SLC44A5: variants seen among roughly 807,000 people sequenced by gnomAD.
SLC44A5 encodes choline transporter-like protein 5.
A neutral mutation model predicts 101.8 loss-of-function variants in SLC44A5; 57 were observed. The observed-to-expected ratio is 0.56, with a 90% CI of 0.45 to 0.70. The LOEUF is 0.70. Ranked by LOEUF, SLC44A5 falls within the 30% of genes least tolerant of loss-of-function variation. The probability of loss-of-function intolerance (pLI) is 0.00; values close to 1 mark genes in which losing one functional copy is unlikely to be tolerated. For missense variants in SLC44A5, 737 were observed against 853.1 expected, an observed-to-expected ratio of 0.86 and a Z score of 1.70; for synonymous variants, 281 against 290.9, an observed-to-expected ratio of 0.97 and a Z score of 0.35.
At chr1:75,385,804 C>A (rs576649568) in intron 3 of SLC44A5, among the ~76,000 whole-genome samples, 1 of 152,022 alleles carries the variant, frequency 6.6e-6, no homozygotes, top group South Asian at 2.1e-4. Context: ...ATGCAAAAAT[C>A]CTCAATAAAA....
At chr1:75,416,994 T>C (rs1349093993) in intron 2 of SLC44A5, among the ~76,000 whole-genome samples, 2 of 152,156 alleles carry the variant, frequency 1.3e-5, no homozygotes, top group African/African-American at 2.4e-5. Context: ...TGTGGAACTT[T>C]TGAGTTGAAA....
chr1:75,538,813 C>G (rs1421495759), intron 2 of SLC44A5, among the ~76,000 whole-genome samples: 1 of 152,194 alleles, frequency 6.6e-6, no homozygotes, highest in Non-Finnish European at 1.5e-5. Context: ...TTACCCAAGT[C>G]TCATCTTGGG....
chr1:75,253,581 T>C (rs908355994), intron 6 of SLC44A5, among the ~76,000 whole-genome samples: 9 of 152,196 alleles, frequency 5.9e-5, no homozygotes, highest in Admixed American at 6.5e-5. Flanking sequence ...CCCAGTCAAC[T>C]ACATCATCCA....
chr1:75,637,246 A>C, the SLC44A5 span, among the ~76,000 whole-genome samples: 8 of 152,186 alleles, frequency 5.3e-5, no homozygotes, highest in African/African-American at 1.9e-4. Flanking sequence ...AGTAGCCAAA[A>C]GGTGGAAACA....
intron 2 of SLC44A5, among the ~76,000 whole-genome samples, chr1:75,504,850 A>T (rs1016118444): frequency 6.6e-6 from 1 of 152,098 alleles, no homozygotes; most frequent in African/African-American, 2.4e-5. Flanking sequence ...TTATAATTTC[A>T]ACTTTTATTT....
At chr1:75,668,087 T>C in the SLC44A5 span, among the ~76,000 whole-genome samples, 1 of 152,282 alleles carries the variant, frequency 6.6e-6, no homozygotes, top group Admixed American at 6.5e-5. Flanking sequence ...TCTAAGAGTG[T>C]CTATTGCCAT....
the SLC44A5 span, among the ~76,000 whole-genome samples, chr1:75,633,431 T>C: frequency 6.6e-6 from 1 of 152,214 alleles, no homozygotes; most frequent in African/African-American, 2.4e-5. Context: ...GAAGAGGTCC[T>C]TCATGTCCCT....
intron 3 of SLC44A5, among the ~76,000 whole-genome samples, chr1:75,373,284 G>A (rs1660349067): frequency 1.3e-5 from 2 of 152,210 alleles, no homozygotes; most frequent in South Asian, 4.2e-4. Flanking sequence ...AGGAAACTGG[G>A]AAGCCTGCAT....
At position 75,525,125 on chromosome 1, in the gene SLC44A5, C is replaced by T. The variant is rs185131667; in HGVS notation, c.13+16310G>A. 8.7e-4 allele frequency among the ~76,000 whole-genome samples: 132 copies of T among 152,128 alleles called. 1 individual carries two copies. Among genetic ancestry groups the T allele is most frequent in the African/African-American group, 1.7e-3 (69 of 41,524 alleles). The stretch of plus-strand genomic sequence containing the variant: ...TGAAATAATTATTTCAGGCAAAGAT[C>T]GTCAATGCATTTTAAAATATTTAGG... On this transcript the variant is annotated intron_variant, in intron 2 of 23. Transcript: ENST00000370859.
chr1:75,512,987 A>G (rs533953728), intron 2 of SLC44A5, among the ~76,000 whole-genome samples: 1 of 152,206 alleles, frequency 6.6e-6, no homozygotes, highest in Non-Finnish European at 1.5e-5. Context: ...GATTCTCACA[A>G]TGACTCTATC....
chr1:75,360,229 A>T (rs970489393), intron 3 of SLC44A5, among the ~76,000 whole-genome samples: 2 of 147,290 alleles, frequency 1.4e-5, no homozygotes, highest in Non-Finnish European at 3.0e-5. Flanking sequence ...GGTTCATATC[A>T]AAAAAATCCA....
At chr1:75,270,209 TTTAATA>T (rs1651354930) in intron 6 of SLC44A5, among the ~76,000 whole-genome samples, 1 of 152,158 alleles carries the variant, frequency 6.6e-6, no homozygotes, top group African/African-American at 2.4e-5. Context: ...TTAAAAAACT[TTTAATA>T]TTGACTAAAA....
intron 6 of SLC44A5, among the ~76,000 whole-genome samples, chr1:75,273,954 CAA>C (rs745624769): frequency 2.0e-5 from 3 of 152,052 alleles, no homozygotes; most frequent in Non-Finnish European, 2.9e-5. Context: ...GGATCGGTAC[CAA>C]TTCTTTGAAT....
Position 75,512,604 on chromosome 1 carries a change from T to G in SLC44A5, c.13+28831A>C, listed in dbSNP as rs1364770905. On this transcript the variant is annotated intron_variant, in intron 2 of 23. Coordinates refer to ENST00000370859, the MANE Select transcript of SLC44A5 (RefSeq NM_001130058.2). ...CAAAACAAACAAGTTCCTACTCTCA[T>G]GAAGCTAATGAGAGAGACAACATAA... is the stretch of plus-strand genomic sequence containing the variant. 2.0e-5 allele frequency among the ~76,000 whole-genome samples: 3 copies of G among 152,192 alleles called. No individual in the cohort carries two copies. In the South Asian group the frequency reaches 6.2e-4, roughly 31 times the overall value.
chr1:75,213,453 A>G (rs972371263), intron 22 of SLC44A5, among the ~76,000 whole-genome samples: 1 of 151,822 alleles, frequency 6.6e-6, no homozygotes, highest in African/African-American at 2.4e-5. Flanking sequence ...GGTCAGGAGG[A>G]TCGGATTAGT....
chr1:75,220,875 G>A (rs376910106), intron 14 of SLC44A5, among the ~76,000 whole-genome samples: 3 of 152,080 alleles, frequency 2.0e-5, no homozygotes, highest in East Asian at 1.9e-4. Flanking sequence ...ACTGCTAAGT[G>A]AATTATTGTG....
intron 2 of SLC44A5, among the ~76,000 whole-genome samples, chr1:75,411,872 T>C (rs917077175): frequency 4.6e-5 from 7 of 152,186 alleles, no homozygotes; most frequent in Non-Finnish European, 8.8e-5. Context: ...CATGGAGGTT[T>C]AGAAAATGTG....
chr1:75,618,101 T>G, the SLC44A5 span, among the ~76,000 whole-genome samples: 5 of 152,228 alleles, frequency 3.3e-5, 1 homozygote, highest in South Asian at 8.3e-4. Context: ...CTATGTGAAA[T>G]AGAATATTTC....
At chr1:75,715,657 A>G in the SLC44A5 span, among the ~76,000 whole-genome samples, 2 of 152,244 alleles carry the variant, frequency 1.3e-5, no homozygotes, top group Admixed American at 6.5e-5. Context: ...AAGGTGGAGT[A>G]AAGCCATAAA....
Sources: allele counts gnomAD v4.1 joint callset (sites outside exome capture counted in the v4.1 genomes callset), GRCh38; gene constraint gnomAD v4.1.1; transcripts MANE v1.5; gene names NCBI Gene and HGNC (gene_info 2026-07-23, HGNC 2026-07-21).